CCDC88C: variants seen among roughly 807,000 people sequenced by gnomAD.
The protein encoded by CCDC88C is protein Daple.
CCDC88C carries 131 observed loss-of-function variants against 198.8 expected under a neutral mutation model. The observed-to-expected ratio is 0.66, with a 90% CI of 0.57 to 0.76. The LOEUF (loss-of-function observed/expected upper bound fraction) is 0.76. Among genes scored for constraint, CCDC88C ranks in the 30% least tolerant of loss-of-function variants. The pLI, the probability that CCDC88C is intolerant of heterozygous loss-of-function variation, is 0.00. For synonymous variants in CCDC88C, 1,166 were observed against 1,114.7 expected, an observed-to-expected ratio of 1.05 and a Z score of -0.92; for missense variants, 2,553 against 2,631.6, an observed-to-expected ratio of 0.97 and a Z score of 0.65.
chr14:91,291,150 C>T (rs529572465), intron 23 of CCDC88C, 66 bp from the exon 24 acceptor site: 22 of 944,204 alleles, frequency 2.3e-5, no homozygotes, highest in African/African-American at 2.3e-4. Context: ...ATTTACTCAT[C>T]GGCCCAGCCT....
At chr14:91,302,022 C>T (rs1033280032) in intron 20 of CCDC88C, among the ~76,000 whole-genome samples, 13 of 152,284 alleles carry the variant, frequency 8.5e-5, no homozygotes, top group Admixed American at 6.5e-4. Context: ...TTTCAGATGC[C>T]TCAACAGCCC....
At chr14:91,375,288 G>A (rs1446959583) in intron 3 of CCDC88C, among the ~76,000 whole-genome samples, 1 of 152,066 alleles carries the variant, frequency 6.6e-6, no homozygotes, top group African/African-American at 2.4e-5. Flanking sequence ...CGCGCATGTG[G>A]GAGAGAGAGA....
chr14:91,384,511 T>C, intron 3 of CCDC88C: 2 of 521,636 alleles, frequency 3.8e-6, no homozygotes, highest in South Asian at 1.4e-5. Context: ...CCCTTCCTCA[T>C]CTGCTTCTTC....
At chr14:91,307,721 TGTGCACATTGA>T (rs1258249563) in intron 17 of CCDC88C, among the ~76,000 whole-genome samples, 1 of 151,966 alleles carries the variant, frequency 6.6e-6, no homozygotes, top group Non-Finnish European at 1.5e-5. Context: ...CCTGTGAGAG[TGTGCACATTGA>T]GAGCACGTGT....
chr14:91,355,318 C>T (rs536949061), intron 4 of CCDC88C, among the ~76,000 whole-genome samples: 2 of 152,322 alleles, frequency 1.3e-5, no homozygotes, highest in South Asian at 2.1e-4. Context: ...AGGCGAAGGA[C>T]GCTCTACGGC....
At chr14:91,406,766 C>A (rs1482654066) in intron 3 of CCDC88C, among the ~76,000 whole-genome samples, 4 of 152,236 alleles carry the variant, frequency 2.6e-5, no homozygotes, top group Admixed American at 2.6e-4. Context: ...AGCACCATTG[C>A]CTTTACCCCA....
intron 4 of CCDC88C, 59 bp downstream of exon 4, chr14:91,359,583 G>T (rs1894206038): frequency 1.4e-6 from 2 of 1,390,440 alleles, no homozygotes; most frequent in East Asian, 4.8e-5. Flanking sequence ...GCCAGCAGCT[G>T]CCCAACGCCA....
intron 23 of CCDC88C, among the ~76,000 whole-genome samples, chr14:91,292,237 T>C (rs985090901): frequency 5.3e-5 from 8 of 152,292 alleles, no homozygotes; most frequent in Admixed American, 1.3e-4. Context: ...TGCTGAGCCT[T>C]AAGCCTTGAG....
intron 3 of CCDC88C, among the ~76,000 whole-genome samples, chr14:91,370,125 C>T (rs1180465304): frequency 2.0e-5 from 3 of 152,192 alleles, no homozygotes; most frequent in African/African-American, 4.8e-5. Flanking sequence ...AGGGCAGAGC[C>T]GCTAACTCCT....
In CCDC88C at chr14:91,338,234, C is replaced by G. The variant is rs1386380800; in HGVS notation, c.892-71G>C. The G allele has an allele frequency of 6.4e-7, 1 of 1,555,900 alleles. No individual in the cohort carries two copies. The highest frequency in any genetic ancestry group is 2.3e-5 in the East Asian group (1 of 44,334). Reference sequence around the variant, plus strand: ...TAGGAAGGGCAGAAAGGCCATTGCCCTTCTGCATGGTGTCTCCACGACGGC... The same window carrying G: ...TAGGAAGGGCAGAAAGGCCATTGCCGTTCTGCATGGTGTCTCCACGACGGC... On this transcript the variant is annotated intron_variant, in intron 9 of 29. Transcript: ENST00000389857. This position sits in a 1 kb window ranked among gnomAD's most constrained non-coding sequence, Gnocchi z 4.8.
At chr14:91,285,760 A>G (rs1326159301) in intron 25 of CCDC88C, 2 of 1,289,004 alleles carry the variant, frequency 1.6e-6, no homozygotes, top group Non-Finnish European at 1.0e-6. Flanking sequence ...GTTTAGAGAG[A>G]GCTGGGTGGG....
At chr14:91,316,904 G>A (rs1014291949) in intron 13 of CCDC88C, among the ~76,000 whole-genome samples, 1 of 152,174 alleles carries the variant, frequency 6.6e-6, no homozygotes, top group Non-Finnish European at 1.5e-5. Flanking sequence ...AGACTTTCTG[G>A]CCCCCAGAGG....
chr14:91,415,186 C>T (rs976542187), intron 2 of CCDC88C, among the ~76,000 whole-genome samples: 1 of 152,024 alleles, frequency 6.6e-6, no homozygotes, highest in African/African-American at 2.4e-5. Flanking sequence ...CAGGGTCTAA[C>T]AGAATGAGGG....
chr14:91,364,269 T>C (rs1894432347), intron 3 of CCDC88C, among the ~76,000 whole-genome samples: 1 of 152,170 alleles, frequency 6.6e-6, no homozygotes, highest in African/African-American at 2.4e-5. Context: ...GGGTGTGGCA[T>C]TGCAATCCAG....
intron 4 of CCDC88C, among the ~76,000 whole-genome samples, chr14:91,354,307 CG>C (rs1292079003): frequency 1.3e-5 from 2 of 152,198 alleles, no homozygotes; most frequent in Admixed American, 6.5e-5. Flanking sequence ...TTTTCTTGTG[CG>C]TGTGGCACAG....
intron 3 of CCDC88C, among the ~76,000 whole-genome samples, chr14:91,372,269 T>A (rs1337201662): frequency 2.0e-5 from 3 of 151,774 alleles, no homozygotes; most frequent in East Asian, 3.9e-4. Flanking sequence ...GGACAAAGCC[T>A]GTGGGATGGG....
intron 3 of CCDC88C, among the ~76,000 whole-genome samples, chr14:91,368,680 G>A (rs1284200135): frequency 6.6e-6 from 1 of 152,132 alleles, no homozygotes; most frequent in East Asian, 1.9e-4. Context: ...GCTTCAGGCA[G>A]GTGGGATGCT....
At chr14:91,297,989 G>A (rs567752854) in intron 21 of CCDC88C, among the ~76,000 whole-genome samples, 18 of 152,318 alleles carry the variant, frequency 1.2e-4, no homozygotes, top group African/African-American at 4.3e-4. Flanking sequence ...TGTGTATTAT[G>A]TAAATCTATT....
rs780889148 is a variant in CCDC88C, at chr14:91,294,327, C to T, written c.3967-9G>A. The stretch of plus-strand genomic sequence containing the variant: ...TTGAGACGGGAGAGCAGCTAGAACA[C>T]AGACCAACAGCGTCTCAGACACCAT... On this transcript the variant is annotated splice_polypyrimidine_tract_variant and intron_variant, in intron 22 of 29. Coordinates refer to ENST00000389857, the MANE Select transcript of CCDC88C (RefSeq NM_001080414.4). 1.9e-6 allele frequency: 3 copies of T among 1,613,596 alleles called. No individual in the cohort carries two copies. Among genetic ancestry groups the T allele is most frequent in the Non-Finnish European group, 2.5e-6 (3 of 1,179,730 alleles).
Sources: allele counts gnomAD v4.1 joint callset (sites outside exome capture counted in the v4.1 genomes callset), GRCh38; gene constraint gnomAD v4.1.1; non-coding constraint Gnocchi (gnomAD v3.1); transcripts MANE v1.5; gene names NCBI Gene and HGNC (gene_info 2026-07-23, HGNC 2026-07-21).